Variants in NUP98 observed in about 807,000 individuals in gnomAD.
NUP98 encodes nucleoporin 98 and 96 precursor, also known as nuclear pore complex protein Nup98-Nup96.
NUP98 carries 26 observed loss-of-function variants against 191.9 expected under a neutral mutation model. The ratio of observed to expected loss-of-function variants is 0.14; its 90% CI spans 0.10 to 0.19. The LOEUF (loss-of-function observed/expected upper bound fraction) is 0.19. Among genes scored for constraint, NUP98 ranks in the 10% least tolerant of loss-of-function variants. The pLI is 1.00. For synonymous variants in NUP98, 808 were observed against 778.4 expected (o/e 1.04, Z -0.63); for missense variants, 1,941 against 2,178.8 (o/e 0.89, Z 2.17).
chr11:3,735,460 GGCA>G (rs757043248), intron 12 of NUP98, 136 bp from the exon 13 acceptor site: 1 of 369,510 alleles, frequency 2.7e-6, no homozygotes, highest in Non-Finnish European at 4.5e-6. Context: ...GTATCATTGG[GGCA>G]GAATGTGTGT....
At chr11:3,776,862 C>T (rs965011746) in intron 4 of NUP98, among the ~76,000 whole-genome samples, 2 of 152,132 alleles carry the variant, frequency 1.3e-5, no homozygotes, top group African/African-American at 4.8e-5. Context: ...AAGTCTGAAT[C>T]CTTTGGTCAG....
intron 4 of NUP98, 98 bp from the exon 5 acceptor site, chr11:3,776,119 T>G (rs1285160036): frequency 2.6e-5 from 20 of 766,436 alleles, no homozygotes; most frequent in Non-Finnish European, 2.1e-6. Context: ...TCACAGTACT[T>G]CATTTTTTTT....
rs1018359163 is a variant in NUP98 at position 3,685,199 on chromosome 11, C to G, written c.4676+774G>C. ...AATTACTGAAATACCATACTGCTATCATTAACAAAAATCTCCGGCCTTATC... is the reference window on the plus strand; with the variant it reads ...AATTACTGAAATACCATACTGCTATGATTAACAAAAATCTCCGGCCTTATC... On this transcript the variant is annotated intron_variant, in intron 29 of 32. Transcript: ENST00000324932. Among the ~76,000 whole-genome samples, 3 of 148,994 alleles carry G rather than the reference C, an allele frequency of 2.0e-5. 1 individual carries two copies. The Admixed American group carries it at 2.0e-4, about 10-fold the overall frequency.
rs764401142 is a variant in NUP98, at chr11:3,763,046, A to G, written c.949-7T>C. On this transcript the variant is annotated splice_region_variant and splice_polypyrimidine_tract_variant and intron_variant, in intron 8 of 32. Transcript: ENST00000324932. ...GGGTTACTCCAAATAATCCCTGCAA[A>G]GAAGTTTATATAGATTAAAAGATAT... 8 of 1,613,632 alleles carry G rather than the reference A, an allele frequency of 5.0e-6. No individual in the cohort carries two copies. In the East Asian group the frequency reaches 8.9e-5, roughly 18 times the overall value.
chr11:3,728,711 C>G (rs1349147951), intron 14 of NUP98, among the ~76,000 whole-genome samples: 2 of 152,018 alleles, frequency 1.3e-5, no homozygotes, highest in South Asian at 2.1e-4. Flanking sequence ...TGCACTCCAG[C>G]CTGGGCAACA....
intron 4 of NUP98, among the ~76,000 whole-genome samples, chr11:3,777,203 TAAAG>T (rs971909807): frequency 4.3e-4 from 66 of 152,180 alleles, no homozygotes; most frequent in African/African-American, 1.5e-3. Flanking sequence ...CAGAAACTAA[TAAAG>T]AAATAGCAAA....
chr11:3,713,845 C>A lies in NUP98; in HGVS notation c.2550G>T (p.Arg850=), dbSNP rs775303779. The part of the protein sequence containing the change: ...RKQGAQFKEY[R]PETGSWVFKV... ...TAAACACCCAAGAACCAGTTTCAGG[C>A]CGGTATTCTTTGAATTGAGCTCCCT... is the stretch of plus-strand genomic sequence containing the variant. Residue 850 remains arginine, a synonymous_variant, in exon 19 of 33, where the codon CGG becomes CGT. Coordinates refer to ENST00000324932, the MANE Select transcript of NUP98 (RefSeq NM_016320.5). 5 of 1,614,044 alleles carry A rather than the reference C, an allele frequency of 3.1e-6. No homozygotes were observed. Among genetic ancestry groups the A allele is most frequent in the African/African-American group, 1.3e-5 (1 of 75,042 alleles).
intron 19 of NUP98, 24 bp downstream of exon 19, chr11:3,713,794 C>A: frequency 6.3e-7 from 1 of 1,594,500 alleles, no homozygotes; most frequent in South Asian, 1.1e-5. Flanking sequence ...TTATAAAAGT[C>A]TGAACTGGGT....
chr11:3,702,551 G>C lies in NUP98; in HGVS notation c.3424C>G (p.Gln1142Glu), dbSNP rs35404087. The C allele has an allele frequency of 0.1, 163,981 of 1,613,968 alleles. 9,351 individuals are homozygous for C. The highest frequency in any genetic ancestry group is 0.12 in the Non-Finnish European group (136,699 of 1,179,960). ...PNWTLANSGE[Q>E]LNGSHELENH... is the part of the protein sequence containing the mutation. Reference sequence around the variant, plus strand: ...TCTAGTTCATGAGAGCCATTCAGCTGTTCTCCACTATTAGCAAGAGTCCAG... The same window carrying C: ...TCTAGTTCATGAGAGCCATTCAGCTCTTCTCCACTATTAGCAAGAGTCCAG... Residue 1142 changes from glutamine (Q) to glutamate (E), a missense_variant, in exon 23 of 33, where the codon CAG (glutamine) becomes GAG (glutamate). Gln to Glu is a conservative substitution (Grantham distance 29). This residue lies in a region of NUP98 where 1,030 missense variants were observed against 1,115.8 expected (regional missense o/e 0.92). Coordinates refer to ENST00000324932, the MANE Select transcript of NUP98 (RefSeq NM_016320.5).
chr11:3,768,212 G>C (rs1004052553), intron 8 of NUP98, among the ~76,000 whole-genome samples: 3 of 151,840 alleles, frequency 2.0e-5, no homozygotes, highest in African/African-American at 4.8e-5. Context: ...ACGAGGTCAG[G>C]AGATCGAGAC....
chr11:3,722,055 T>A (rs1221488156), intron 16 of NUP98, among the ~76,000 whole-genome samples: 1 of 148,550 alleles, frequency 6.7e-6, no homozygotes, highest in Admixed American at 6.8e-5. Flanking sequence ...AGTAGCATAA[T>A]AAATTCATGT....
At chr11:3,792,856 C>T (rs555089357) in intron 1 of NUP98, among the ~76,000 whole-genome samples, 1 of 152,090 alleles carries the variant, frequency 6.6e-6, no homozygotes, top group South Asian at 2.1e-4. Flanking sequence ...CGGTGGCTCA[C>T]GTCTGAAATC....
At chr11:3,718,522 T>C (rs1392023477) in intron 18 of NUP98, among the ~76,000 whole-genome samples, 1 of 149,098 alleles carries the variant, frequency 6.7e-6, no homozygotes, top group Non-Finnish European at 1.5e-5. Flanking sequence ...GGCAAAGGAG[T>C]GAAACTCTGT....
Position 3,699,274 on chromosome 11 carries a change from G to A in NUP98, c.3817C>T (p.Leu1273=). ...WGHLKELDSQ[L]NEPREYIQIL... Reference sequence around the variant, plus strand: ...TGAATGTATTCACGGGGTTCATTTAGCTGGCTGTCAAGCTCCTTCAGGTGG... The same window carrying A: ...TGAATGTATTCACGGGGTTCATTTAACTGGCTGTCAAGCTCCTTCAGGTGG... Residue 1273 remains leucine (L), a synonymous_variant, in exon 25 of 33, where the codon CTA becomes TTA. Transcript: ENST00000324932. 6.2e-7 allele frequency: 1 copy of A among 1,614,176 alleles called. No homozygotes were observed.
At chr11:3,760,306 T>G (rs371014214) in intron 10 of NUP98, 33 of 549,740 alleles carry the variant, frequency 6.0e-5, no homozygotes, top group African/African-American at 5.3e-4. Context: ...GAAAGGCAAT[T>G]TACATGCCTA....
chr11:3,722,711 G>A (rs180737439), intron 16 of NUP98, among the ~76,000 whole-genome samples: 10 of 152,082 alleles, frequency 6.6e-5, no homozygotes, highest in African/African-American at 1.9e-4. Context: ...AGCTACTCGG[G>A]TGGCTGAGAT....
chr11:3,777,926 C>T (rs61896890), intron 4 of NUP98, among the ~76,000 whole-genome samples: 7,719 of 151,956 alleles, frequency 0.051, 258 homozygotes, highest in Middle Eastern at 0.099. Context: ...AGGCCAGGCG[C>T]GGTGGCTCAC....
intron 5 of NUP98, 150 bp downstream of exon 5, chr11:3,775,732 A>G (rs1462467971): frequency 4.7e-6 from 3 of 632,360 alleles, no homozygotes; most frequent in African/African-American, 1.8e-5. Context: ...GTTCCTGTCT[A>G]CTATACAACT....
chr11:3,747,617 G>A (rs1266913484), intron 11 of NUP98, among the ~76,000 whole-genome samples: 2 of 152,020 alleles, frequency 1.3e-5, no homozygotes, highest in Admixed American at 6.6e-5. Context: ...TTCTTACATC[G>A]AAGCATACAA....
Sources: allele counts gnomAD v4.1 joint callset (sites outside exome capture counted in the v4.1 genomes callset), GRCh38; gene constraint gnomAD v4.1.1; regional missense constraint gnomAD v4.1.1; transcripts MANE v1.5; gene names NCBI Gene and HGNC (gene_info 2026-07-23, HGNC 2026-07-21).